MORN3: variants seen among roughly 807,000 people sequenced by gnomAD.
MORN3 encodes the protein MORN repeat containing 3, also known as MORN repeat-containing protein 3.
Under a neutral mutation model 34.7 loss-of-function variants are expected in MORN3, and 38 were observed. The observed-to-expected ratio is 1.10, with a 90% CI of 0.85 to 1.44. The LOEUF is 1.44. Ranked by LOEUF, MORN3 falls within the 40% of genes most tolerant of loss-of-function variation. The pLI, the probability that MORN3 is intolerant of heterozygous loss-of-function variation, is 0.00. For synonymous variants in MORN3, 109 were observed against 115.3 expected, an observed-to-expected ratio of 0.95 and a Z score of 0.35; for missense variants, 311 against 321.7, an observed-to-expected ratio of 0.97 and a Z score of 0.25.
chr12:121,652,422 TG>T (rs1555325176), intron 5 of MORN3, among the ~76,000 whole-genome samples: 1 of 152,020 alleles, frequency 6.6e-6, no homozygotes. Flanking sequence ...TTAGTAGAGA[TG>T]GGGTTTCACC....
chr12:121,669,259 T>G (rs1893872661), intron 1 of MORN3, 80 bp downstream of exon 1: 2 of 1,572,182 alleles, frequency 1.3e-6, no homozygotes, highest in Admixed American at 1.7e-5. Flanking sequence ...CCCAGTGAGC[T>G]CTGCACTCTG....
Position 121,652,779 on chromosome 12 carries a change from C to T in MORN3, c.678G>A (p.Leu226=). ...EVKILDPDGV[L]AEALAMFRKT... is the part of the protein sequence containing the mutation. ...TCCTGAACATGGCCAAGGCCTCCGC[C>T]AGCACACCATCAGGGTCTAGGATTT... The change falls in exon 5 of 6, where the codon CTG becomes CTA. Residue 226 remains leucine (L), a synonymous_variant. Coordinates refer to ENST00000355329, the MANE Select transcript of MORN3 (RefSeq NM_173855.5). The T allele has an allele frequency of 6.2e-7, 1 of 1,614,230 alleles. No individual in the cohort carries two copies. The highest frequency in any genetic ancestry group is 8.5e-7 in the Non-Finnish European group (1 of 1,180,042).
Position 121,659,319 on chromosome 12 carries a change from C to T in MORN3, c.175G>A (p.Gly59Arg), listed in dbSNP as rs763304511. Residue 59 changes from glycine to arginine, a missense_variant, in exon 2 of 6, where the codon GGA (glycine) becomes AGA (arginine). Transcript: ENST00000355329. ...GKGTQVWKKK[G>R]AIYEGDWKFG... The stretch of plus-strand genomic sequence containing the variant: ...TTCCAGTCCCCCTCATAGATGGCTC[C>T]TTTCTTCTTCCAGACCTGTGTTCCT... 11 of 1,613,846 alleles carry T rather than the reference C, an allele frequency of 6.8e-6. No individual in the cohort carries two copies. The East Asian group carries it at 1.1e-4, about 16-fold the overall frequency.
intron 5 of MORN3, 102 bp downstream of exon 5, chr12:121,652,626 C>A: frequency 9.1e-7 from 1 of 1,096,418 alleles, no homozygotes; most frequent in Non-Finnish European, 1.4e-6. Context: ...CCCCACTCCC[C>A]GACCCCAAGC....
Position 121,656,238 on chromosome 12 carries a change from A to AT in MORN3, c.304-1806dup, listed in dbSNP as rs201934798. Among the ~76,000 whole-genome samples, 1,323 of 151,768 alleles carry AT rather than the reference A, an allele frequency of 8.7e-3. 16 individuals carry two copies. Among genetic ancestry groups the AT allele is most frequent in the African/African-American group, 0.03 (1,248 of 41,362 alleles). The stretch of plus-strand genomic sequence containing the variant: ...TGTTTTACATCTCGTTCCCTTTGCT[A>AT]TTTTTTTGCCTCCCATCTTTCTCCC... On this transcript the variant is annotated intron_variant, in intron 2 of 5. Coordinates refer to ENST00000355329, the MANE Select transcript of MORN3 (RefSeq NM_173855.5).
chr12:121,665,278 C>CTTTTTTTTTTTTTTTTTTTTT (rs767525874), intron 1 of MORN3, among the ~76,000 whole-genome samples: 1 of 50,634 alleles, frequency 2.0e-5, no homozygotes, highest in Non-Finnish European at 3.5e-5. Context: ...TTTTTCTTTC[C>CTTTTTTTTTTTTTTTTTTTTT]TTTTTTTTTT....
intron 1 of MORN3, among the ~76,000 whole-genome samples, chr12:121,665,190 G>C (rs1893705013): frequency 6.6e-6 from 1 of 151,554 alleles, no homozygotes; most frequent in Non-Finnish European, 1.5e-5. Flanking sequence ...GCCTGTGCTG[G>C]GGAAAGTCCC....
intron 1 of MORN3, among the ~76,000 whole-genome samples, chr12:121,661,067 T>C (rs949298144): frequency 2.6e-5 from 4 of 152,154 alleles, no homozygotes; most frequent in African/African-American, 9.6e-5. Flanking sequence ...ATGATCCTTC[T>C]GCCTCAGCCT....
chr12:121,665,278 C>CTTTTTT lies in MORN3; in HGVS notation c.145+4055_145+4060dup, dbSNP rs767525874. Among the ~76,000 whole-genome samples, 137 of 50,672 alleles carry CTTTTTT rather than the reference C, an allele frequency of 2.7e-3. 11 individuals are homozygous for CTTTTTT. The highest frequency in any genetic ancestry group is 5.4e-3 in the Admixed American group (15 of 2,754). The allele number at this position is 50,672 out of a possible 152,430, so 33.2% of individuals were successfully genotyped here. A position where few individuals can be genotyped will look rare whatever the true frequency, so the allele number is the denominator to read the frequency against. On this transcript the variant is annotated intron_variant, in intron 1 of 5. Coordinates refer to ENST00000355329, the MANE Select transcript of MORN3 (RefSeq NM_173855.5). Reference sequence around the variant, plus strand: ...AGATCTCGCGTTTTCTTTTTCTTTCCTTTTTTTTTTTTTTTTTTTTTTTTT... The same window carrying CTTTTTT: ...AGATCTCGCGTTTTCTTTTTCTTTCCTTTTTTTTTTTTTTTTTTTTTTTTTTTTTTT...
chr12:121,669,246 G>A (rs1893871804), intron 1 of MORN3, 93 bp downstream of exon 1: 2 of 1,524,820 alleles, frequency 1.3e-6, no homozygotes, highest in South Asian at 1.1e-5. Context: ...CACATCTCAT[G>A]TCCCCAGTGA....
intron 2 of MORN3, among the ~76,000 whole-genome samples, chr12:121,657,451 C>T (rs1398588157): frequency 6.6e-6 from 1 of 152,204 alleles, no homozygotes; most frequent in Admixed American, 6.6e-5. Flanking sequence ...AAGAAGACAG[C>T]TTTGACTCCC....
chr12:121,659,436 T>C, intron 1 of MORN3, 88 bp from the exon 2 acceptor site: 1 of 1,349,134 alleles, frequency 7.4e-7, no homozygotes, highest in Non-Finnish European at 1.0e-6. Flanking sequence ...GGCCCCCAAC[T>C]AGACGAATCT....
At chr12:121,654,915 C>A (rs1893371133) in intron 2 of MORN3, among the ~76,000 whole-genome samples, 1 of 151,946 alleles carries the variant, frequency 6.6e-6, no homozygotes, top group Admixed American at 6.6e-5. Flanking sequence ...CTTGAAGGAT[C>A]TCCCCATGCT....
chr12:121,671,862 AAG>A (rs1196946704), upstream of MORN3, among the ~76,000 whole-genome samples: 3 of 149,268 alleles, frequency 2.0e-5, no homozygotes, highest in African/African-American at 7.5e-5. Flanking sequence ...CCTGGGCAAA[AAG>A]AGTGAAACTC....
intron 1 of MORN3, 149 bp from the exon 2 acceptor site, chr12:121,659,497 A>C: frequency 1.4e-6 from 1 of 689,830 alleles, no homozygotes; most frequent in Non-Finnish European, 2.4e-6. Flanking sequence ...AGTACCCAGG[A>C]GAAGGCCAGG....
At chr12:121,661,900 G>A (rs1278913086) in intron 1 of MORN3, among the ~76,000 whole-genome samples, 1 of 140,844 alleles carries the variant, frequency 7.1e-6, no homozygotes, top group Non-Finnish European at 1.5e-5. Flanking sequence ...AGAGAGGGAG[G>A]GAGGAAGGGA....
chr12:121,657,059 G>T (rs1893436467), intron 2 of MORN3, among the ~76,000 whole-genome samples: 3 of 152,202 alleles, frequency 2.0e-5, no homozygotes, highest in Admixed American at 2.0e-4. Context: ...CAGTGAAAGA[G>T]ATTTAATTTA....
chr12:121,662,912 G>T (rs944807273), intron 1 of MORN3, among the ~76,000 whole-genome samples: 19 of 151,970 alleles, frequency 1.3e-4, no homozygotes, highest in South Asian at 1.0e-3. Flanking sequence ...ATTTGAACCC[G>T]GGTGGCAGAG....
chr12:121,652,321 C>T (rs1367101546), intron 5 of MORN3, among the ~76,000 whole-genome samples: 1 of 152,072 alleles, frequency 6.6e-6, no homozygotes, highest in African/African-American at 2.4e-5. Context: ...GCAACCTTCA[C>T]CTCCCGGGTT....
Sources: allele counts gnomAD v4.1 joint callset (sites outside exome capture counted in the v4.1 genomes callset), GRCh38; gene constraint gnomAD v4.1.1; transcripts MANE v1.5; gene names NCBI Gene and HGNC (gene_info 2026-07-23, HGNC 2026-07-21).